HDDC2: variants seen among roughly 807,000 people sequenced by gnomAD.
The protein encoded by HDDC2 is HD domain containing 2.
A neutral mutation model predicts 25.5 loss-of-function variants in HDDC2; 25 were observed. The ratio of observed to expected loss-of-function variants is 0.98; its 90% confidence interval spans 0.72 to 1.37. The LOEUF (loss-of-function observed/expected upper bound fraction) is 1.37, where lower values mean the gene tolerates loss of function less well. HDDC2 is among the 40% of genes most tolerant of loss of function. The pLI, the probability that HDDC2 is intolerant of heterozygous loss-of-function variation, is 0.00. For missense variants in HDDC2, 264 were observed against 253.1 expected, an observed-to-expected ratio of 1.04 and a Z score of -0.29; for synonymous variants, 106 against 89.7, an observed-to-expected ratio of 1.18 and a Z score of -1.03.
chr6:125,297,135 A>G (rs1798716084), intron 3 of HDDC2, among the ~76,000 whole-genome samples: 1 of 152,184 alleles, frequency 6.6e-6, no homozygotes, highest in African/African-American at 2.4e-5. Context: ...GAGCTGTGTA[A>G]TTGAGGAATT....
chr6:125,286,852 G>T (rs1798544953), intron 4 of HDDC2, among the ~76,000 whole-genome samples: 1 of 152,100 alleles, frequency 6.6e-6, no homozygotes, highest in South Asian at 2.1e-4. Context: ...AATTATTTCA[G>T]CTAATAAATA....
At chr6:125,300,284 G>A in intron 2 of HDDC2, 2 of 436,720 alleles carry the variant, frequency 4.6e-6, no homozygotes, top group Non-Finnish European at 8.2e-6. Context: ...CACCTTCAAG[G>A]CCCCAATATC....
chr6:125,278,974 A>G (rs1418402170), intron 4 of HDDC2: 11 of 152,368 alleles, frequency 7.2e-5, no homozygotes, highest in African/African-American at 2.6e-4. Flanking sequence ...CTGACACAGC[A>G]AAGAAACAGC....
At chr6:125,299,558 C>G (rs145117668) in intron 2 of HDDC2, among the ~76,000 whole-genome samples, 16 of 152,234 alleles carry the variant, frequency 1.1e-4, no homozygotes, top group Non-Finnish European at 1.5e-4. Context: ...TTTAGGCTCC[C>G]CACACTACCA....
chr6:125,301,313 T>TG (rs917157928), intron 1 of HDDC2, among the ~76,000 whole-genome samples: 1 of 152,040 alleles, frequency 6.6e-6, no homozygotes, highest in African/African-American at 2.4e-5. Context: ...AAATCCCGTT[T>TG]GGGGGGTGGC....
rs765120868 is a variant in HDDC2, at chr6:125,298,767, C to T, written c.256G>A (p.Asp86Asn). The stretch of plus-strand genomic sequence containing the variant: ...GGGATGTTATCTGCTGGTGCTATGT[C>T]CCCAACGATGCATTCTGCCATATCA... Reference protein sequence around the residue: ...VHDMAECIVGDIAPADNIPKE... With the variant: ...VHDMAECIVGNIAPADNIPKE... Residue 86 changes from aspartate to asparagine, a missense_variant, in exon 3 of 6, where the codon GAC becomes AAC. Coordinates refer to ENST00000398153, the MANE Select transcript of HDDC2 (RefSeq NM_016063.3). 6.2e-6 allele frequency: 10 copies of T among 1,613,970 alleles called. No individual in the cohort carries two copies. Among genetic ancestry groups the T allele is most frequent in the Non-Finnish European group, 5.9e-6 (7 of 1,180,020 alleles).
In HDDC2 at chr6:125,276,184, T is replaced by C. The variant is rs755429078; in HGVS notation, c.577A>G (p.Thr193Ala). ...LVSELEAERSTNIAAAASEPH... is the reference protein window; with the variant it reads ...LVSELEAERSANIAAAASEPH... The stretch of plus-strand genomic sequence containing the variant: ...TCACTGGCAGCTGCAGCTATGTTAG[T>C]GCTTCTTTCTGCCTCAAGTTCAGAA... The change falls in exon 6 of 6, where the codon ACT becomes GCT. Residue 193 changes from threonine (T) to alanine (A), a missense_variant. Coordinates refer to ENST00000398153, the MANE Select transcript of HDDC2 (RefSeq NM_016063.3). The C allele has an allele frequency of 4.3e-6, 7 of 1,614,052 alleles. No individual in the cohort carries two copies. The African/African-American group carries it at 9.3e-5, about 22-fold the overall frequency.
intron 4 of HDDC2, among the ~76,000 whole-genome samples, chr6:125,285,310 T>TA (rs200142771): frequency 1.2e-3 from 172 of 148,442 alleles, no homozygotes; most frequent in Admixed American, 6.6e-3. Context: ...ACTTAAAGTA[T>TA]AAAAAAAAAG....
chr6:125,301,525 GC>G (rs1798806266), intron 1 of HDDC2, among the ~76,000 whole-genome samples: 1 of 145,470 alleles, frequency 6.9e-6, no homozygotes, highest in African/African-American at 2.8e-5. Context: ...GGGGTCGTGA[GC>G]CCCGGAAAAG....
intron 3 of HDDC2, among the ~76,000 whole-genome samples, chr6:125,296,114 A>T (rs918102482): frequency 6.3e-5 from 8 of 126,350 alleles, no homozygotes; most frequent in Non-Finnish European, 1.1e-4. Context: ...AACCATAGAT[A>T]AAAAAAAAAA....
At chr6:125,276,305 C>T (rs889049810) in intron 5 of HDDC2, 62 bp from the exon 6 acceptor site, 1 of 1,271,418 alleles carries the variant, frequency 7.9e-7, no homozygotes, top group Admixed American at 1.7e-5. Context: ...ATATTCATTT[C>T]CCCAGCTTGA....
chr6:125,295,432 C>T (rs1798694259), intron 3 of HDDC2, among the ~76,000 whole-genome samples: 1 of 152,122 alleles, frequency 6.6e-6, no homozygotes, highest in African/African-American at 2.4e-5. Context: ...CCCGGCTCGC[C>T]ATTTATTAAT....
intron 2 of HDDC2, 110 bp from the exon 3 acceptor site, chr6:125,298,926 C>T: frequency 3.0e-6 from 2 of 661,128 alleles, no homozygotes; most frequent in East Asian, 5.6e-5. Flanking sequence ...TCCACCCTCA[C>T]AGAGTATTTT....
chr6:125,283,734 A>ACTG (rs1222444071), intron 4 of HDDC2, among the ~76,000 whole-genome samples: 2 of 152,206 alleles, frequency 1.3e-5, no homozygotes, highest in South Asian at 2.1e-4. Context: ...AAATGGCCAT[A>ACTG]CTGCCCAAAG....
intron 3 of HDDC2, among the ~76,000 whole-genome samples, chr6:125,297,087 A>G (rs1281445871): frequency 1.3e-5 from 2 of 152,154 alleles, no homozygotes; most frequent in Admixed American, 6.5e-5. Context: ...CTCGTCCACA[A>G]TGTCCAGATT....
intron 3 of HDDC2, 134 bp downstream of exon 3, chr6:125,298,580 T>C (rs758264329): frequency 8.8e-5 from 59 of 668,966 alleles, no homozygotes; most frequent in Non-Finnish European, 1.3e-4. Context: ...TCCCCTGACC[T>C]TCCCCTTCCT....
chr6:125,287,906 T>A (rs1340218791), intron 4 of HDDC2, among the ~76,000 whole-genome samples: 1 of 152,094 alleles, frequency 6.6e-6, no homozygotes, highest in East Asian at 1.9e-4. Context: ...CAGAGCGGGG[T>A]TGCCGGATCC....
At chr6:125,298,663 A>AG in intron 3 of HDDC2, 51 bp downstream of exon 3, 2 of 1,369,232 alleles carry the variant, frequency 1.5e-6, no homozygotes, top group Non-Finnish European at 2.1e-6. Context: ...GCTTTGCTTC[A>AG]GCAAGAGGTT....
intron 2 of HDDC2, among the ~76,000 whole-genome samples, chr6:125,299,929 C>A (rs761692940): frequency 8.5e-5 from 13 of 152,212 alleles, no homozygotes; most frequent in Non-Finnish European, 1.6e-4. Context: ...GCACCTCCTC[C>A]ATTAAGATCA....
Sources: gnomAD v4.1 joint callset for allele counts (sites outside exome capture counted in the v4.1 genomes callset) on GRCh38, gnomAD v4.1.1 for gene constraint, MANE v1.5 for transcripts, NCBI Gene and HGNC (gene_info 2026-07-23, HGNC 2026-07-21) for gene names.